Variants in CMC1 observed in about 807,000 individuals in gnomAD.
CMC1 encodes C-X9-C motif containing 1.
Under a neutral mutation model 14.1 loss-of-function variants are expected in CMC1, and 14 were observed. The observed-to-expected ratio is 0.99, with a 90% CI of 0.66 to 1.55. The LOEUF (loss-of-function observed/expected upper bound fraction) is 1.55. CMC1 is among the 40% of genes most tolerant of loss of function. The pLI is 0.00. For missense variants in CMC1, 127 were observed against 123.8 expected, an observed-to-expected ratio of 1.03 and a Z score of -0.12; for synonymous variants, 50 against 38.4, an observed-to-expected ratio of 1.30 and a Z score of -1.12.
chr3:28,262,542 A>G (rs1449041793), intron 1 of CMC1, among the ~76,000 whole-genome samples: 1 of 152,102 alleles, frequency 6.6e-6, no homozygotes, highest in Non-Finnish European at 1.5e-5. Flanking sequence ...GCTGCTTCAG[A>G]GCATGGAGCA....
rs921593200 is a variant in CMC1 at position 28,322,680 on chromosome 3, G to C, written c.*3051G>C. 6.6e-6 allele frequency: 1 copy of C among 151,586 alleles called. No homozygotes were observed. Among genetic ancestry groups the C allele is most frequent in the African/African-American group, 2.4e-5 (1 of 41,310 alleles). 9.4% of individuals were successfully genotyped at this position (151,586 alleles called of 1,614,324 possible). ...GAGATTGTACTCCCCTGAGTCAGCT[G>C]TGTTCATTGGTCAGAATAAATTCCA... On this transcript the variant is annotated 3_prime_UTR_variant, in exon 4 of 4. Transcript: ENST00000466830.
Position 28,324,656 on chromosome 3 carries a change from T to C in CMC1, c.*5027T>C, listed in dbSNP as rs191458065. ...CTGGATCAGCAATTTACTGTGACTT[T>C]AGATATTTGTCTCTTAGCTGCTCCT... On this transcript the variant is annotated 3_prime_UTR_variant, in exon 4 of 4. Coordinates refer to ENST00000466830, the MANE Select transcript of CMC1 (RefSeq NM_182523.2). 7.1e-6 allele frequency: 3 copies of C among 422,462 alleles called. No individual in the cohort carries two copies. Among genetic ancestry groups the C allele is most frequent in the East Asian group, 6.9e-5 (2 of 29,000 alleles). 26.2% of individuals were successfully genotyped at this position (422,462 alleles called of 1,614,324 possible). A position where few individuals can be genotyped will look rare whatever the true frequency, so the allele number is the denominator to read the frequency against.
chr3:28,308,328 A>T (rs1356049256), intron 2 of CMC1, among the ~76,000 whole-genome samples: 2 of 152,220 alleles, frequency 1.3e-5, no homozygotes, highest in African/African-American at 2.4e-5. Context: ...GTAATACAAT[A>T]CATTGAGCAA....
Position 28,241,638 on chromosome 3 carries a change from A to AACGGGTC in CMC1, c.-155_-149dup. The AACGGGTC allele has an allele frequency of 8.1e-7, 1 of 1,232,306 alleles. No individual in the cohort carries two copies. Among genetic ancestry groups the AACGGGTC allele is most frequent in the East Asian group, 3.2e-5 (1 of 31,654 alleles). 76.3% of individuals were successfully genotyped at this position (1,232,306 alleles called of 1,614,324 possible). On this transcript the variant is annotated 5_prime_UTR_variant, in exon 1 of 4. Coordinates refer to ENST00000466830, the MANE Select transcript of CMC1 (RefSeq NM_182523.2). ...AGTAGGAGCCTGGGAAGGAAGAGGG[A>AACGGGTC]ACGGGTCCTGGCGGTGCTTTGCAAA...
rs144449740 is a variant in CMC1, at chr3:28,250,498, A to G, written c.19+8686A>G. ...GCTTTCTGAGTCTTAATTTCTTTGT[A>G]TCTGCTTCTAAATGAGATGATGTTT... is the stretch of plus-strand genomic sequence containing the variant. On this transcript the variant is annotated intron_variant, in intron 1 of 3. Transcript: ENST00000466830. 7.5e-3 allele frequency among the ~76,000 whole-genome samples: 1,146 copies of G among 152,250 alleles called. 18 individuals are homozygous for G. Among genetic ancestry groups the G allele is most frequent in the South Asian group, 0.056 (272 of 4,820 alleles).
intron 1 of CMC1, among the ~76,000 whole-genome samples, chr3:28,255,407 A>AT (rs1576984180): frequency 1.3e-5 from 2 of 151,630 alleles, no homozygotes; most frequent in East Asian, 3.9e-4. Flanking sequence ...TGCCTGGGTG[A>AT]TTTTTGTAGT....
intron 2 of CMC1, among the ~76,000 whole-genome samples, chr3:28,314,408 C>G (rs962621477): frequency 6.6e-5 from 10 of 151,964 alleles, no homozygotes; most frequent in African/African-American, 2.4e-4. Context: ...TTGATTTGAC[C>G]TGTGTGGCCA....
At chr3:28,261,925 C>T (rs976201096) in intron 1 of CMC1, among the ~76,000 whole-genome samples, 6 of 152,202 alleles carry the variant, frequency 3.9e-5, no homozygotes, top group African/African-American at 1.4e-4. Flanking sequence ...ATTAAGTGGA[C>T]CCCCACAGTT....
At chr3:28,279,528 A>G (rs1009191678) in intron 2 of CMC1, among the ~76,000 whole-genome samples, 5 of 151,124 alleles carry the variant, frequency 3.3e-5, no homozygotes, top group African/African-American at 9.7e-5. Flanking sequence ...AGCAGACAAG[A>G]ATCTTAAAGC....
chr3:28,307,257 C>A (rs1702368436), intron 2 of CMC1, among the ~76,000 whole-genome samples: 1 of 152,120 alleles, frequency 6.6e-6, no homozygotes. Flanking sequence ...TACTATATTT[C>A]CTTTTTGTCC....
chr3:28,262,307 T>C (rs1417631980), intron 1 of CMC1, among the ~76,000 whole-genome samples: 1 of 152,136 alleles, frequency 6.6e-6, no homozygotes, highest in East Asian at 1.9e-4. Context: ...CAGGTCTTTG[T>C]ATTTGCCTCA....
At chr3:28,309,319 A>G (rs991105530) in intron 2 of CMC1, among the ~76,000 whole-genome samples, 1 of 151,856 alleles carries the variant, frequency 6.6e-6, no homozygotes, top group South Asian at 2.1e-4. Context: ...TCTTTATTCC[A>G]TCTTCCTCCA....
intron 2 of CMC1, among the ~76,000 whole-genome samples, chr3:28,283,462 T>C (rs1577042713): frequency 6.6e-6 from 1 of 150,462 alleles, no homozygotes; most frequent in South Asian, 2.1e-4. Flanking sequence ...GAGGTTGTGG[T>C]GAGCTGAGAT....
intron 2 of CMC1, among the ~76,000 whole-genome samples, chr3:28,292,404 C>G (rs1046723025): frequency 6.6e-6 from 1 of 151,828 alleles, no homozygotes; most frequent in Non-Finnish European, 1.5e-5. Flanking sequence ...ATTTCTTTTT[C>G]TCCTTCTTCC....
chr3:28,317,463 A>T (rs1588669), intron 3 of CMC1: 18 of 151,872 alleles, frequency 1.2e-4, no homozygotes, highest in East Asian at 3.9e-4. Context: ...TTCTATTCTC[A>T]AGTGCTTCCA....
intron 2 of CMC1, among the ~76,000 whole-genome samples, chr3:28,289,323 A>T (rs1577054904): frequency 6.6e-6 from 1 of 152,074 alleles, no homozygotes; most frequent in East Asian, 1.9e-4. Context: ...CGTTTTGTTT[A>T]TCTTACTAAG....
intron 2 of CMC1, among the ~76,000 whole-genome samples, chr3:28,266,635 G>A (rs1388568442): frequency 1.3e-5 from 2 of 151,844 alleles, no homozygotes; most frequent in African/African-American, 2.4e-5. Context: ...GGACTACTGC[G>A]CTCAACCTAT....
At chr3:28,316,649 A>G (rs1232776152) in intron 3 of CMC1, 2 of 331,064 alleles carry the variant, frequency 6.0e-6, no homozygotes, top group Admixed American at 4.6e-5. Context: ...TGAAGTCAGC[A>G]GACAAAAATA....
intron 2 of CMC1, among the ~76,000 whole-genome samples, chr3:28,290,021 A>G (rs1482760068): frequency 1.3e-5 from 2 of 152,082 alleles, no homozygotes; most frequent in African/African-American, 4.8e-5. Context: ...AACATATGAA[A>G]CCCACTGACA....
Sources: allele counts gnomAD v4.1 joint callset (sites outside exome capture counted in the v4.1 genomes callset), GRCh38; gene constraint gnomAD v4.1.1; transcripts MANE v1.5; gene names NCBI Gene and HGNC (gene_info 2026-07-23, HGNC 2026-07-21).